The following BAD variants were observed in gnomAD, a reference collection of about 807,000 sequenced individuals.
BAD encodes bcl2-associated agonist of cell death.
BAD carries 18 observed loss-of-function variants against 17.8 expected under a neutral mutation model. That is an observed-to-expected ratio of 1.01 (90% CI 0.70 to 1.50). The LOEUF (loss-of-function observed/expected upper bound fraction) is 1.50, where lower values mean the gene tolerates loss of function less well. Ranked by LOEUF, BAD falls within the 40% of genes most tolerant of loss-of-function variation. The pLI is 0.00. For synonymous variants in BAD, 112 were observed against 91.5 expected (o/e 1.22, Z -1.28); for missense variants, 294 against 239.3 (o/e 1.23, Z -1.51).
Position 64,269,895 on chromosome 11 carries a change from C to T in BAD, c.*314G>A. The T allele has an allele frequency of 4.3e-6, 3 of 699,882 alleles. No individual in the cohort carries two copies. Among genetic ancestry groups the T allele is most frequent in the Non-Finnish European group, 7.8e-6 (3 of 385,294 alleles). The allele number at this position is 699,882 out of a possible 1,614,324, so 43.4% of individuals were successfully genotyped here. A position where few individuals can be genotyped will look rare whatever the true frequency, so the allele number is the denominator to read the frequency against. ...CACGGCCCCCAGGGCATCGCGGGGG[C>T]TCGGGTCCCGGTGACGCAACGGTTA... On this transcript the variant is annotated 3_prime_UTR_variant, in exon 4 of 4. Coordinates refer to ENST00000309032, the MANE Select transcript of BAD (RefSeq NM_032989.3).
chr11:64,280,231 A>G (rs932944672), intron 2 of BAD, among the ~76,000 whole-genome samples: 2 of 149,914 alleles, frequency 1.3e-5, no homozygotes, highest in Non-Finnish European at 3.0e-5. Flanking sequence ...GAGGCAGGAG[A>G]ATGGCGTGAA....
intron 2 of BAD, among the ~76,000 whole-genome samples, chr11:64,283,052 T>TCAAAA (rs956768345): frequency 2.0e-5 from 3 of 152,090 alleles, no homozygotes; most frequent in Non-Finnish European, 4.4e-5. Flanking sequence ...AGACCCTGTC[T>TCAAAA]CAAAACAAAA....
At chr11:64,272,694 A>G (rs1457944136) in intron 2 of BAD, 3 of 152,290 alleles carry the variant, frequency 2.0e-5, no homozygotes, top group Non-Finnish European at 4.4e-5. Context: ...GTGAGAAGAC[A>G]GAAGCTTAGA....
Position 64,271,605 on chromosome 11 carries a change from G to C in BAD, c.378+8C>G. 1.4e-6 allele frequency: 2 copies of C among 1,436,032 alleles called. No homozygotes were observed. The allele number at this position is 1,436,032 out of a possible 1,614,324, so 89.0% of individuals were successfully genotyped here. A position where few individuals can be genotyped will look rare whatever the true frequency, so the allele number is the denominator to read the frequency against. On this transcript the variant is annotated splice_region_variant and intron_variant, in intron 3 of 3. Transcript: ENST00000309032. ...TCAGGTCCTGGCACGCTGGGGACTG[G>C]CGCTCACCTTAAAGGAGTCCACAAA...
chr11:64,276,871 T>G (rs1591155396), intron 2 of BAD: 1 of 747,212 alleles, frequency 1.3e-6, no homozygotes, highest in Non-Finnish European at 2.5e-6. Context: ...GTAGTGGCTG[T>G]GGCTAGAAGT....
At chr11:64,270,593 G>C in intron 3 of BAD, 3 of 689,428 alleles carry the variant, frequency 4.4e-6, no homozygotes, top group South Asian at 3.0e-5. Flanking sequence ...AAATGGAAAG[G>C]CCAGAGCTGG....
intron 2 of BAD, chr11:64,275,895 C>T (rs1238520918): frequency 6.6e-6 from 1 of 152,056 alleles, no homozygotes; most frequent in Non-Finnish European, 1.5e-5. Flanking sequence ...ATCCTTGCCA[C>T]ACCCTATCAG....
At chr11:64,274,013 AGAGGACCT>A (rs1212679091) in intron 2 of BAD, among the ~76,000 whole-genome samples, 2 of 152,194 alleles carry the variant, frequency 1.3e-5, no homozygotes, top group African/African-American at 4.8e-5. Context: ...TTCTCCCCTC[AGAGGACCT>A]GAGGACCTGG....
In BAD at chr11:64,270,228, C is replaced by G. The variant is rs199759687; in HGVS notation, c.488G>C (p.Ser163Thr). Residue 163 changes from serine to threonine, a missense_variant, in exon 4 of 4, where the codon AGC (serine) becomes ACC (threonine). Ser to Thr is a moderately conservative substitution (Grantham distance 58). Coordinates refer to ENST00000309032, the MANE Select transcript of BAD (RefSeq NM_032989.3). Reference sequence around the variant, plus strand: ...CGAAGGTCACTGGGAGGGGGCGGAGCTTCCCCTGCCCAAGTTCCGATCCCA... The same window carrying G: ...CGAAGGTCACTGGGAGGGGGCGGAGGTTCCCCTGCCCAAGTTCCGATCCCA... ...SWWDRNLGRG[S>T]SAPSQ 8.7e-6 allele frequency: 14 copies of G among 1,612,942 alleles called. No individual in the cohort carries two copies. The highest frequency in any genetic ancestry group is 1.1e-5 in the Non-Finnish European group (13 of 1,179,184).
chr11:64,282,857 C>T lies in BAD; in HGVS notation c.187+1325G>A, dbSNP rs193078008. On this transcript the variant is annotated intron_variant, in intron 2 of 3. Transcript: ENST00000309032. ...TTGCACCACTGCACCCCAGCCTGGG[C>T]AGCAGAGTGAGACTCCGTCTCAGGA... 8.4e-5 allele frequency among the ~76,000 whole-genome samples: 12 copies of T among 142,316 alleles called. No individual in the cohort carries two copies. In the East Asian group the frequency reaches 2.4e-3, roughly 29 times the overall value. 93.4% of individuals were successfully genotyped at this position (142,316 alleles called of 152,430 possible). A position where few individuals can be genotyped will look rare whatever the true frequency, so the allele number is the denominator to read the frequency against.
chr11:64,278,917 C>T (rs565944112), intron 2 of BAD, among the ~76,000 whole-genome samples: 6 of 152,322 alleles, frequency 3.9e-5, no homozygotes, highest in Admixed American at 2.6e-4. Flanking sequence ...TCTGGGAAAC[C>T]ACTTGCTTTT....
Position 64,269,946 on chromosome 11 carries a change from C to G in BAD, c.*263G>C. ...AACCTGGCTCGCGACTTAGCGCAGG[C>G]GCCTGGGGGAAAGCCCGGAGCCTGA... On this transcript the variant is annotated 3_prime_UTR_variant, in exon 4 of 4. Coordinates refer to ENST00000309032, the MANE Select transcript of BAD (RefSeq NM_032989.3). 1 of 723,230 alleles carries G rather than the reference C, an allele frequency of 1.4e-6. No individual in the cohort carries two copies. Among genetic ancestry groups the G allele is most frequent in the Non-Finnish European group, 2.4e-6 (1 of 410,144 alleles). The allele number at this position is 723,230 out of a possible 1,614,324, so 44.8% of individuals were successfully genotyped here.
At position 64,277,571 on chromosome 11, in the gene BAD, T is replaced by C. The variant is rs186644537; in HGVS notation, c.188-5768A>G. On this transcript the variant is annotated intron_variant, in intron 2 of 3. Coordinates refer to ENST00000309032, the MANE Select transcript of BAD (RefSeq NM_032989.3). ...TCCCACCTCAGCCTCCTGAGTAGCT[T>C]GGACTACAGGCATCACCATGCCCGG... Among the ~76,000 whole-genome samples the C allele has an allele frequency of 3.7e-3, 556 of 152,288 alleles. 7 individuals carry two copies. The Middle Eastern group carries it at 0.1, about 28-fold the overall frequency.
intron 3 of BAD, among the ~76,000 whole-genome samples, chr11:64,271,405 A>ACACC (rs1293865584): frequency 7.6e-6 from 1 of 132,246 alleles, no homozygotes; most frequent in South Asian, 2.7e-4. Flanking sequence ...ACACACACAC[A>ACACC]CCAGGCGGGG....
intron 2 of BAD, among the ~76,000 whole-genome samples, chr11:64,273,666 G>A (rs2032811940): frequency 6.6e-6 from 1 of 151,870 alleles, no homozygotes; most frequent in Non-Finnish European, 1.5e-5. Flanking sequence ...GAGATCACGA[G>A]GTCAGGAGTT....
At position 64,269,833 on chromosome 11, in the gene BAD, G is replaced by A. The variant is rs1452955628; in HGVS notation, c.*376C>T. ...AGTCGACGCACAGAAAAGCCTCGGC[G>A]GCACAGACGCGGGCTTTATTAACAT... On this transcript the variant is annotated 3_prime_UTR_variant, in exon 4 of 4. Coordinates refer to ENST00000309032, the MANE Select transcript of BAD (RefSeq NM_032989.3). The A allele has an allele frequency of 1.9e-5, 13 of 690,742 alleles. No individual in the cohort carries two copies. The Admixed American group carries it at 2.0e-4, about 11-fold the overall frequency. The allele number at this position is 690,742 out of a possible 1,614,324, so 42.8% of individuals were successfully genotyped here. A position where few individuals can be genotyped will look rare whatever the true frequency, so the allele number is the denominator to read the frequency against.
intron 2 of BAD, among the ~76,000 whole-genome samples, chr11:64,279,253 CCCCCGGGA>C (rs2135126600): frequency 1.3e-5 from 2 of 152,098 alleles, no homozygotes; most frequent in African/African-American, 4.8e-5. Context: ...GTGGATCATG[CCCCCGGGA>C]CCCCAACTCC....
intron 2 of BAD, 67 bp from the exon 3 acceptor site, chr11:64,271,870 G>A: frequency 7.9e-7 from 1 of 1,262,280 alleles, no homozygotes; most frequent in Admixed American, 3.9e-5. Context: ...GGCCCTGCCT[G>A]AACCCTCCCC....
At chr11:64,271,960 G>C in intron 2 of BAD, 157 bp from the exon 3 acceptor site, 1 of 481,616 alleles carries the variant, frequency 2.1e-6, no homozygotes, top group Non-Finnish European at 3.3e-6. Context: ...CCTTGTATGT[G>C]AATCGAGGGG....
Sources: gnomAD v4.1 joint callset for allele counts (sites outside exome capture counted in the v4.1 genomes callset) on GRCh38, gnomAD v4.1.1 for gene constraint, MANE v1.5 for transcripts, NCBI Gene and HGNC (gene_info 2026-07-23, HGNC 2026-07-21) for gene names.